The following TULP4 variants were observed in gnomAD, a reference collection of about 807,000 sequenced individuals.
TULP4 encodes tubby-related protein 4.
In TULP4, 16 loss-of-function variants were observed where a neutral mutation model predicts 129.0. The ratio of observed to expected loss-of-function variants is 0.12; its 90% CI spans 0.08 to 0.19. The LOEUF (loss-of-function observed/expected upper bound fraction) is 0.19. Ranked by LOEUF, TULP4 falls within the 10% of genes least tolerant of loss-of-function variation. The pLI is 1.00. For missense variants in TULP4, 1,842 were observed against 2,059.1 expected, an observed-to-expected ratio of 0.89 and a Z score of 2.04; for synonymous variants, 998 against 854.0, an observed-to-expected ratio of 1.17 and a Z score of -2.94.
rs980639264 is a variant in TULP4, at chr6:158,493,323, G to C, written c.1632-250G>C. ...GCCTCCCAAGCAGCTGGGACTGCAG[G>C]TGTGTGCCACCACACCCAGTTTCTC... On this transcript the variant is annotated intron_variant, in intron 9 of 13. Transcript: ENST00000367097. This position sits in a 1 kb window ranked among gnomAD's most constrained non-coding sequence, Gnocchi z 4.4. Among the ~76,000 whole-genome samples the C allele has an allele frequency of 6.6e-6, 1 of 152,208 alleles. No homozygotes were observed. The highest frequency in any genetic ancestry group is 1.5e-5 in the Non-Finnish European group (1 of 68,044).
chr6:158,370,313 C>T (rs1202954507), intron 1 of TULP4, among the ~76,000 whole-genome samples: 2 of 150,866 alleles, frequency 1.3e-5, no homozygotes, highest in African/African-American at 2.4e-5. Flanking sequence ...AAAAATTAGA[C>T]GGGTGTGGTG....
chr6:158,366,852 C>T (rs1244371058), intron 1 of TULP4, among the ~76,000 whole-genome samples: 1 of 152,198 alleles, frequency 6.6e-6, no homozygotes, highest in Non-Finnish European at 1.5e-5. Context: ...CCGTCCAGCT[C>T]CAAAAATTCT....
At chr6:158,441,601 T>C (rs922230063) in intron 3 of TULP4, among the ~76,000 whole-genome samples, 1 of 152,184 alleles carries the variant, frequency 6.6e-6, no homozygotes, top group Admixed American at 6.5e-5. Flanking sequence ...TGTCCTTATA[T>C]GTGTTAGGAG....
At chr6:158,500,351 G>A (rs1211794402) in intron 12 of TULP4, among the ~76,000 whole-genome samples, 1 of 152,202 alleles carries the variant, frequency 6.6e-6, no homozygotes, top group Non-Finnish European at 1.5e-5. Flanking sequence ...ACCCAAATTT[G>A]TGTGGCCAGG....
At chr6:158,274,984 T>C (rs1245740316) in intron 1 of TULP4, among the ~76,000 whole-genome samples, 1 of 152,336 alleles carries the variant, frequency 6.6e-6, no homozygotes, top group South Asian at 2.1e-4. Context: ...TCTGTTAGAA[T>C]GTAAGCTCCC....
intron 3 of TULP4, among the ~76,000 whole-genome samples, chr6:158,436,006 C>T (rs1156965119): frequency 6.6e-6 from 1 of 152,152 alleles, no homozygotes; most frequent in East Asian, 1.9e-4. Context: ...CCTCCGCCTC[C>T]CGGGTTCAAG....
intron 1 of TULP4, among the ~76,000 whole-genome samples, chr6:158,300,548 C>G (rs1779114231): frequency 6.6e-6 from 1 of 152,156 alleles, no homozygotes. Flanking sequence ...CCCATTGTTG[C>G]ATAAATAAAT....
intron 1 of TULP4, among the ~76,000 whole-genome samples, chr6:158,294,315 A>T (rs1778992923): frequency 6.6e-6 from 1 of 151,816 alleles, no homozygotes; most frequent in African/African-American, 2.4e-5. Flanking sequence ...ATGAGCCGAG[A>T]CCGTGCCACT....
upstream of TULP4, among the ~76,000 whole-genome samples, chr6:158,309,782 G>A (rs533259878): frequency 9.9e-5 from 15 of 150,948 alleles, no homozygotes; most frequent in East Asian, 1.6e-3. Context: ...GCAGGCACTC[G>A]GCAGGCCGAG....
rs750477688 is a variant in TULP4, at chr6:158,511,189, G to C, written c.*4495G>C. On this transcript the variant is annotated 3_prime_UTR_variant, in exon 14 of 14. Transcript: ENST00000367097. ...CAGTTCTTTTTAAGGGGAGGGGTAG[G>C]GTTCTAAGATCTTGTTGTTTATTGT... The C allele has an allele frequency of 6.6e-6, 1 of 152,458 alleles. No individual in the cohort carries two copies. Among genetic ancestry groups the C allele is most frequent in the Non-Finnish European group, 1.5e-5 (1 of 68,016 alleles). The allele number at this position is 152,458 out of a possible 1,614,324, so 9.4% of individuals were successfully genotyped here. A position where few individuals can be genotyped will look rare whatever the true frequency, so the allele number is the denominator to read the frequency against.
intron 1 of TULP4, among the ~76,000 whole-genome samples, chr6:158,327,265 A>G (rs756977318): frequency 3.3e-5 from 5 of 152,134 alleles, no homozygotes; most frequent in Non-Finnish European, 7.4e-5. Context: ...TCTTTTTTCT[A>G]GGTATTCTGA....
chr6:158,370,438 C>T (rs1042285733), intron 1 of TULP4, among the ~76,000 whole-genome samples: 5 of 33,130 alleles, frequency 1.5e-4, no homozygotes, highest in Non-Finnish European at 2.0e-4. Context: ...GCCTGGACAA[C>T]AAGAACAAAA....
chr6:158,459,978 T>A (rs1224106595), intron 5 of TULP4, among the ~76,000 whole-genome samples: 1 of 152,214 alleles, frequency 6.6e-6, no homozygotes. Flanking sequence ...TGTAAAAGAA[T>A]CTGATTCACC....
intron 1 of TULP4, among the ~76,000 whole-genome samples, chr6:158,325,542 C>T (rs191237701): frequency 6.6e-6 from 1 of 151,820 alleles, no homozygotes. Flanking sequence ...TTAGTAGAGA[C>T]GGGATTTCAC....
At chr6:158,324,924 G>A (rs1391263347) in intron 1 of TULP4, among the ~76,000 whole-genome samples, 1 of 152,206 alleles carries the variant, frequency 6.6e-6, no homozygotes, top group Non-Finnish European at 1.5e-5. Context: ...TGTGGTATGT[G>A]TGTGTTTTGG....
intron 3 of TULP4, 63 bp from the exon 4 acceptor site, chr6:158,448,933 C>G (rs989635796): frequency 6.6e-7 from 1 of 1,515,158 alleles, no homozygotes; most frequent in Non-Finnish European, 8.9e-7. Flanking sequence ...ATCGAGGCAA[C>G]AAGGTGTGCC....
chr6:158,272,782 C>A (rs964595993), intron 1 of TULP4, among the ~76,000 whole-genome samples: 10 of 152,176 alleles, frequency 6.6e-5, no homozygotes, highest in African/African-American at 2.4e-4. Context: ...GTGTTTCAGT[C>A]AAAAACAAAT....
chr6:158,317,413 G>A (rs1251067546), intron 1 of TULP4, among the ~76,000 whole-genome samples: 2 of 150,936 alleles, frequency 1.3e-5, no homozygotes, highest in Admixed American at 6.6e-5. Context: ...GAGAACATGC[G>A]GTGTTTGGTT....
chr6:158,413,154 C>T lies in TULP4; in HGVS notation c.342C>T (p.Gly114=). Residue 114 remains glycine, a synonymous_variant, in exon 2 of 14, where the codon GGC becomes GGT. Coordinates refer to ENST00000367097, the MANE Select transcript of TULP4 (RefSeq NM_020245.5). This position sits in a 1 kb window ranked among gnomAD's most constrained non-coding sequence, Gnocchi z 4.9. ...GGIFVWIQYE[G]RWSVELVNDR... ...TATTCGTGTGGATTCAGTACGAGGG[C>T]AGGTGGTCTGTGGAGCTGGTCAACG... 1 of 1,613,782 alleles carries T rather than the reference C, an allele frequency of 6.2e-7. No individual in the cohort carries two copies. The highest frequency in any genetic ancestry group is 8.5e-7 in the Non-Finnish European group (1 of 1,179,750).
Sources: gnomAD v4.1 joint callset for allele counts (sites outside exome capture counted in the v4.1 genomes callset) on GRCh38, gnomAD v4.1.1 for gene constraint, Gnocchi (gnomAD v3.1) non-coding constraint, MANE v1.5 for transcripts, NCBI Gene and HGNC (gene_info 2026-07-23, HGNC 2026-07-21) for gene names.